PTPRG: variants seen among roughly 807,000 people sequenced by gnomAD.
The protein encoded by PTPRG is receptor-type tyrosine-protein phosphatase gamma.
PTPRG carries 102 observed loss-of-function variants against 165.3 expected under a neutral mutation model. The ratio of observed to expected loss-of-function variants is 0.62; its 90% confidence interval spans 0.53 to 0.73. PTPRG has a LOEUF of 0.73. Ranked by LOEUF, PTPRG falls within the 30% of genes least tolerant of loss-of-function variation. The pLI is 0.00. For synonymous variants in PTPRG, 675 were observed against 669.5 expected (o/e 1.01, Z -0.13); for missense variants, 1,866 against 1,861.4 (o/e 1.00, Z -0.05).
chr3:61,969,857 T>C (rs1218113655), intron 2 of PTPRG, among the ~76,000 whole-genome samples: 2 of 152,314 alleles, frequency 1.3e-5, no homozygotes, highest in African/African-American at 2.4e-5. Context: ...ACTGGGTAGA[T>C]GGTACACACC....
Position 61,590,615 on chromosome 3 carries a change from T to C in PTPRG, c.85+28243T>C, listed in dbSNP as rs78938307. Among the ~76,000 whole-genome samples, 1,101 of 152,370 alleles carry C rather than the reference T, an allele frequency of 7.2e-3. 16 individuals are homozygous for C. Among genetic ancestry groups the C allele is most frequent in the African/African-American group, 0.025 (1,043 of 41,594 alleles). On this transcript the variant is annotated intron_variant, in intron 1 of 29. Coordinates refer to ENST00000474889, the MANE Select transcript of PTPRG (RefSeq NM_002841.4). ...GTTGACTACTTCCCTCTTGTCCTGC[T>C]GCCCTAGAGTATGAAGAGATTTGAA... is the stretch of plus-strand genomic sequence containing the variant.
chr3:61,635,309 T>G (rs2106939232), intron 1 of PTPRG, among the ~76,000 whole-genome samples: 1 of 150,014 alleles, frequency 6.7e-6, no homozygotes, highest in East Asian at 1.9e-4. Context: ...GTTTAGTTTT[T>G]ACCAATTACC....
At chr3:61,816,196 T>TG (rs1420110827) in intron 2 of PTPRG, among the ~76,000 whole-genome samples, 3 of 152,210 alleles carry the variant, frequency 2.0e-5, no homozygotes, top group Non-Finnish European at 2.9e-5. Flanking sequence ...TGTGACATGC[T>TG]GTTGTTTTGT....
At position 62,139,844 on chromosome 3, in the gene PTPRG, T is replaced by A. The variant is rs75779890; in HGVS notation, c.682+7176T>A. 4.7e-3 allele frequency among the ~76,000 whole-genome samples: 714 copies of A among 152,308 alleles called. 4 individuals are homozygous for A. The highest frequency in any genetic ancestry group is 0.015 in the African/African-American group (620 of 41,558). ...CAAATCTATGGACAAAGCCCTAGAA[T>A]AGCTAGAGTCACTCCAGGCCTCTAG... On this transcript the variant is annotated intron_variant, in intron 6 of 29. Transcript: ENST00000474889.
intron 1 of PTPRG, among the ~76,000 whole-genome samples, chr3:61,620,736 C>T (rs1166635042): frequency 6.6e-6 from 1 of 151,976 alleles, no homozygotes; most frequent in Non-Finnish European, 1.5e-5. Flanking sequence ...TCAAGCAGTT[C>T]TCCTGCCTCA....
At position 61,871,128 on chromosome 3, in the gene PTPRG, ATGTTGTGTTG is replaced by A. The variant is rs796152535; in HGVS notation, c.191-118467_191-118458del. The stretch of plus-strand genomic sequence containing the variant: ...ATTCCCTGTTATGTTATGTTATGTT[ATGTTGTGTTG>A]TGTTGTGTTGTGTTGTGTTGTGTTG... On this transcript the variant is annotated intron_variant, in intron 2 of 29. Coordinates refer to ENST00000474889, the MANE Select transcript of PTPRG (RefSeq NM_002841.4). Among the ~76,000 whole-genome samples, 100 of 123,114 alleles carry A rather than the reference ATGTTGTGTTG, an allele frequency of 8.1e-4. 2 individuals are homozygous for A. Among genetic ancestry groups the A allele is most frequent in the South Asian group, 4.7e-3 (16 of 3,436 alleles). 80.8% of individuals were successfully genotyped at this position (123,114 alleles called of 152,430 possible).
In PTPRG at chr3:62,114,007, G is replaced by T. The variant is rs17632189; in HGVS notation, c.616-18595G>T. ...ACATTATTTTTTAAAAGTCTTAGAA[G>T]TGGCTTTCCGACCGGGTGTGGTGGC... On this transcript the variant is annotated intron_variant, in intron 5 of 29. Coordinates refer to ENST00000474889, the MANE Select transcript of PTPRG (RefSeq NM_002841.4). Among the ~76,000 whole-genome samples, 1,316 of 152,244 alleles carry T rather than the reference G, an allele frequency of 8.6e-3. 15 individuals carry two copies. Among genetic ancestry groups the T allele is most frequent in the South Asian group, 0.03 (147 of 4,826 alleles).
At chr3:61,757,224 A>G (rs1218686028) in intron 2 of PTPRG, among the ~76,000 whole-genome samples, 1 of 152,222 alleles carries the variant, frequency 6.6e-6, no homozygotes, top group Non-Finnish European at 1.5e-5. Context: ...AATTGCGGTT[A>G]TCATTGAGAA....
chr3:61,638,591 G>GTTTTTTT (rs34396141), intron 1 of PTPRG, among the ~76,000 whole-genome samples: 1,021 of 58,696 alleles, frequency 0.017, 133 homozygotes, highest in South Asian at 0.03. Context: ...TGCCTGGCTA[G>GTTTTTTT]TTTTTTTTTT....
chr3:61,633,243 G>A (rs528268042), intron 1 of PTPRG, among the ~76,000 whole-genome samples: 36 of 152,292 alleles, frequency 2.4e-4, no homozygotes, highest in Middle Eastern at 3.4e-3. Flanking sequence ...TTCATGATGG[G>A]AGTGGCAGGG....
intron 2 of PTPRG, among the ~76,000 whole-genome samples, chr3:61,820,404 G>A (rs1266703047): frequency 2.0e-5 from 3 of 152,086 alleles, no homozygotes; most frequent in Admixed American, 6.6e-5. Flanking sequence ...GTACCCACTC[G>A]TATTAAGTGG....
intron 2 of PTPRG, among the ~76,000 whole-genome samples, chr3:61,961,342 G>A (rs900729128): frequency 6.6e-6 from 1 of 152,180 alleles, no homozygotes; most frequent in African/African-American, 2.4e-5. Context: ...GGACAGGTGT[G>A]TATGCAGTTT....
At chr3:61,841,567 T>A (rs1275833381) in intron 2 of PTPRG, among the ~76,000 whole-genome samples, 1 of 151,946 alleles carries the variant, frequency 6.6e-6, no homozygotes, top group Non-Finnish European at 1.5e-5. Flanking sequence ...TGATTAAACT[T>A]AGCCCTCGTC....
chr3:61,983,629 G>T (rs1363480809), intron 2 of PTPRG, among the ~76,000 whole-genome samples: 4 of 152,134 alleles, frequency 2.6e-5, no homozygotes, highest in African/African-American at 9.6e-5. Context: ...GAACCTCTTA[G>T]GTATTTAAAG....
intron 2 of PTPRG, among the ~76,000 whole-genome samples, chr3:61,941,403 T>C (rs1165425296): frequency 1.3e-5 from 2 of 152,292 alleles, no homozygotes; most frequent in Non-Finnish European, 2.9e-5. Context: ...GGCGGGCAGA[T>C]CATGAGGTTA....
At position 62,262,781 on chromosome 3, in the gene PTPRG, G is replaced by A; in HGVS notation, c.2560-17G>A. 6.3e-7 allele frequency: 1 copy of A among 1,578,210 alleles called. No homozygotes were observed. The highest frequency in any genetic ancestry group is 8.7e-7 in the Non-Finnish European group (1 of 1,150,922). On this transcript the variant is annotated splice_polypyrimidine_tract_variant and intron_variant, in intron 16 of 29. Transcript: ENST00000474889. ...GTTTCTAAACTGTGTCTATAATCTT[G>A]CTGTTTTCTTCACTAGGAAGTCCAG...
chr3:61,655,823 G>T (rs1293061614), intron 1 of PTPRG, among the ~76,000 whole-genome samples: 1 of 152,114 alleles, frequency 6.6e-6, no homozygotes, highest in South Asian at 2.1e-4. Context: ...GCCTAGACTG[G>T]TCTTGAACTC....
intron 2 of PTPRG, among the ~76,000 whole-genome samples, chr3:61,925,466 G>T (rs911352835): frequency 6.6e-6 from 1 of 152,218 alleles, no homozygotes; most frequent in African/African-American, 2.4e-5. Flanking sequence ...GGTCAGGGCT[G>T]GGTGCAGTGG....
intron 4 of PTPRG, among the ~76,000 whole-genome samples, chr3:62,010,712 AT>A (rs368936366): frequency 6.6e-6 from 1 of 152,202 alleles, no homozygotes; most frequent in African/African-American, 2.4e-5. Flanking sequence ...TCAAGAAACA[AT>A]TTTTTAGCAT....
Sources: gnomAD v4.1 joint callset for allele counts (sites outside exome capture counted in the v4.1 genomes callset) on GRCh38, gnomAD v4.1.1 for gene constraint, MANE v1.5 for transcripts, NCBI Gene and HGNC (gene_info 2026-07-23, HGNC 2026-07-21) for gene names.